The following PXDN variants were observed in gnomAD, a reference collection of about 807,000 sequenced individuals.
The protein encoded by PXDN is peroxidasin, also known as peroxidasin homolog.
Under a neutral mutation model 140.3 loss-of-function variants are expected in PXDN, and 77 were observed. That is an observed-to-expected ratio of 0.55 (90% CI 0.46 to 0.66). The LOEUF is 0.66. Ranked by LOEUF, PXDN falls within the 30% of genes least tolerant of loss-of-function variation. PXDN has a pLI of 0.00. For missense variants in PXDN, 1,838 were observed against 2,039.5 expected, an observed-to-expected ratio of 0.90 and a Z score of 1.90; for synonymous variants, 911 against 857.4, an observed-to-expected ratio of 1.06 and a Z score of -1.09.
intron 1 of PXDN, among the ~76,000 whole-genome samples, chr2:1,722,233 C>G (rs193198197): frequency 1.3e-5 from 2 of 152,158 alleles, no homozygotes; most frequent in African/African-American, 4.8e-5. Flanking sequence ...AAGCTCTCCA[C>G]GTGGACGTCT....
Position 1,648,460 on chromosome 2 carries a change from C to G in PXDN, c.3320G>C (p.Arg1107Pro), listed in dbSNP as rs571027818. ...PLHKAFFSPF[R>P]IVNEGGIDPL... Reference sequence around the variant, plus strand: ...ATCGATGCCGCCCTCATTCACAATCCGGAAGGGAGAGAAGAAAGCTTTGTG... The same window carrying G: ...ATCGATGCCGCCCTCATTCACAATCGGGAAGGGAGAGAAGAAAGCTTTGTG... Residue 1107 changes from arginine to proline, a missense_variant, in exon 17 of 23, where the codon CGG becomes CCG. Physicochemically the swap from Arg to Pro is moderately radical, Grantham distance 103. Around this residue, in one of 5 missense-constraint regions of PXDN, gnomAD observed 850 missense variants for 894.1 expected, o/e 0.95. Transcript: ENST00000252804. This position sits in a 1 kb window ranked among gnomAD's most constrained non-coding sequence, Gnocchi z 8.9. 1.2e-6 allele frequency: 2 copies of G among 1,610,652 alleles called. No homozygotes were observed. The highest frequency in any genetic ancestry group is 4.5e-5 in the East Asian group (2 of 44,868).
Position 1,649,528 on chromosome 2 carries a change from A to T in PXDN, c.2252T>A (p.Leu751Gln), listed in dbSNP as rs1682961710. 1 of 1,613,884 alleles carries T rather than the reference A, an allele frequency of 6.2e-7. No homozygotes were observed. The highest frequency in any genetic ancestry group is 2.2e-5 in the East Asian group (1 of 44,878). ...YRTHDGTCNN[L>Q]QHPMWGASLT... ...CGAGGCGCCCCACATGGGGTGCTGC[A>T]GGTTGTTACAGGTGCCGTCGTGCGT... Residue 751 changes from leucine to glutamine, a missense_variant, in exon 17 of 23, where the codon CTG becomes CAG. Leu to Gln is a moderately radical substitution (Grantham distance 113, BLOSUM62 -2). Coordinates refer to ENST00000252804, the MANE Select transcript of PXDN (RefSeq NM_012293.3). The surrounding 1 kb of genome is among the most constrained non-coding windows in gnomAD (Gnocchi z 7.1).
chr2:1,634,913 C>T (rs1054302635), intron 22 of PXDN, among the ~76,000 whole-genome samples: 15 of 152,320 alleles, frequency 9.8e-5, no homozygotes, highest in African/African-American at 3.4e-4. Context: ...TGTCCATTGC[C>T]GGCACCAGGG....
chr2:1,653,202 A>T (rs1553358758), intron 16 of PXDN: 3 of 314,162 alleles, frequency 9.5e-6, no homozygotes, highest in Non-Finnish European at 1.9e-5. Context: ...GGTTTCACAG[A>T]CCCGGGACTC....
rs201171596 is a variant in PXDN at position 1,711,583 on chromosome 2, A to ACTCTCCACCAGCACCCGCT, written c.201-18450_201-18449insAGCGGGTGCTGGTGGAGAG. 1.3e-3 allele frequency among the ~76,000 whole-genome samples: 86 copies of ACTCTCCACCAGCACCCGCT among 66,712 alleles called. 2 individuals carry two copies. The Admixed American group carries it at 0.015, about 12-fold the overall frequency. The allele number at this position is 66,712 out of a possible 152,430, so 43.8% of individuals were successfully genotyped here. A position where few individuals can be genotyped will look rare whatever the true frequency, so the allele number is the denominator to read the frequency against. ...CAGCATCCACTCTCCACCAGCACCC[A>ACTCTCCACCAGCACCCGCT]CTCCACCAGCACCCACTCTCCACCA... is the stretch of plus-strand genomic sequence containing the variant. On this transcript the variant is annotated intron_variant, in intron 1 of 22. Transcript: ENST00000252804.
chr2:1,649,065 C>T lies in PXDN; in HGVS notation c.2715G>A (p.Gln905=), dbSNP rs764296713. The T allele has an allele frequency of 6.2e-7, 1 of 1,612,622 alleles. No homozygotes were observed. The highest frequency in any genetic ancestry group is 1.1e-5 in the South Asian group (1 of 91,078). ...NSVYPREQIN[Q]LTSYIDASNV... is the part of the protein sequence containing the mutation. ...TGGATGCGTCTATGTAGGAGGTGAG[C>T]TGGTTGATCTGCTCCCGCGGGTACA... The change falls in exon 17 of 23, where the codon CAG becomes CAA. Residue 905 remains glutamine, a synonymous_variant. Transcript: ENST00000252804. The surrounding 1 kb of genome is among the most constrained non-coding windows in gnomAD (Gnocchi z 7.1).
Position 1,640,391 on chromosome 2 carries a change from A to T in PXDN, c.3953-969T>A, listed in dbSNP as rs532669113. Among the ~76,000 whole-genome samples, 100 of 152,346 alleles carry T rather than the reference A, an allele frequency of 6.6e-4. 2 individuals are homozygous for T. In the South Asian group the frequency reaches 0.012, roughly 18 times the overall value. ...CTATGAGAAGAGAAGAGGCACGTGC[A>T]GCATACACCTCAGACCCCATGCTAG... is the stretch of plus-strand genomic sequence containing the variant. On this transcript the variant is annotated intron_variant, in intron 19 of 22. Transcript: ENST00000252804.
rs1471794518 is a variant in PXDN at position 1,744,313 on chromosome 2, C to T, written c.143G>A (p.Arg48His). The change falls in exon 1 of 23, where the codon CGC becomes CAC. Residue 48 changes from arginine to histidine, a missense_variant. Arg to His is a conservative substitution (Grantham distance 29). Coordinates refer to ENST00000252804, the MANE Select transcript of PXDN (RefSeq NM_012293.3). ...GGCCTCCAGCAGCAGATGCATGCAG[C>T]GCACGGTGGTGCGGAAGCACAGGCA... ...SRCLCFRTTVRCMHLLLEAVP... is the reference protein window; with the variant it reads ...SRCLCFRTTVHCMHLLLEAVP... The T allele has an allele frequency of 6.5e-7, 1 of 1,528,448 alleles. No homozygotes were observed. The highest frequency in any genetic ancestry group is 8.7e-7 in the Non-Finnish European group (1 of 1,143,950). The allele number at this position is 1,528,448 out of a possible 1,614,324, so 94.7% of individuals were successfully genotyped here.
intron 14 of PXDN, among the ~76,000 whole-genome samples, chr2:1,655,317 G>GCCACACACAGATACATA (rs929929951): frequency 2.7e-5 from 4 of 146,606 alleles, no homozygotes; most frequent in African/African-American, 1.0e-4. Context: ...TCACACACAC[G>GCCACACACAGATACATA]CCACACACAG....
At chr2:1,677,613 T>A (rs1423334428) in intron 7 of PXDN, among the ~76,000 whole-genome samples, 1 of 152,010 alleles carries the variant, frequency 6.6e-6, no homozygotes, top group South Asian at 2.1e-4. Flanking sequence ...CCGAGGGCCA[T>A]CCGAGGGCCA....
intron 1 of PXDN, among the ~76,000 whole-genome samples, chr2:1,707,961 G>A (rs1376797817): frequency 6.6e-6 from 1 of 152,226 alleles, no homozygotes; most frequent in African/African-American, 2.4e-5. Flanking sequence ...GCGAGAGAAC[G>A]GAAACCAAAC....
intron 1 of PXDN, among the ~76,000 whole-genome samples, chr2:1,730,872 A>C (rs575012306): frequency 2.0e-5 from 3 of 152,166 alleles, no homozygotes; most frequent in East Asian, 3.9e-4. Flanking sequence ...TTAGCGCAAT[A>C]ATCACACTGG....
intron 1 of PXDN, among the ~76,000 whole-genome samples, chr2:1,699,990 A>G (rs1011746442): frequency 2.6e-5 from 4 of 152,178 alleles, no homozygotes; most frequent in Admixed American, 6.5e-5. Flanking sequence ...CAAGCTATGC[A>G]TTGCAGAGGT....
At position 1,648,999 on chromosome 2, in the gene PXDN, G is replaced by A. The variant is rs1293879300; in HGVS notation, c.2781C>T (p.Arg927=). ...GSTEHEARSI[R]DLASHRGLLR... ...GCAGGCCGCGGTGGCTGGCCAGGTC[G>A]CGGATGCTGCGGGCCTCATGCTCCG... is the stretch of plus-strand genomic sequence containing the variant. The change falls in exon 17 of 23, where the codon CGC becomes CGT. Residue 927 remains arginine (R), a synonymous_variant. Coordinates refer to ENST00000252804, the MANE Select transcript of PXDN (RefSeq NM_012293.3). The surrounding 1 kb of genome is among the most constrained non-coding windows in gnomAD (Gnocchi z 8.9). 3.7e-6 allele frequency: 6 copies of A among 1,611,980 alleles called. No individual in the cohort carries two copies. The African/African-American group carries it at 5.3e-5, about 14-fold the overall frequency.
intron 14 of PXDN, among the ~76,000 whole-genome samples, chr2:1,657,786 CCCCCTGTTGTCTGGAACCTGT>C (rs1443029935): frequency 6.9e-6 from 1 of 145,330 alleles, no homozygotes; most frequent in Non-Finnish European, 1.5e-5. Context: ...CAGGAACCTG[CCCCCTGTTGTCTGGAACCTGT>C]CCCCACCTGA....
At chr2:1,718,484 ACTAAC>A (rs1684943939) in intron 1 of PXDN, among the ~76,000 whole-genome samples, 1 of 152,148 alleles carries the variant, frequency 6.6e-6, no homozygotes, top group African/African-American at 2.4e-5. Context: ...AACCTACTCC[ACTAAC>A]CTACCACTCA....
At chr2:1,712,781 G>A (rs1431285208) in intron 1 of PXDN, among the ~76,000 whole-genome samples, 1 of 152,176 alleles carries the variant, frequency 6.6e-6, no homozygotes, top group African/African-American at 2.4e-5. Context: ...CTGGAGTGCA[G>A]TGGTGCAATC....
At position 1,720,649 on chromosome 2, in the gene PXDN, T is replaced by TTCTCTCTCTCTGCATC; in HGVS notation, c.200+23591_200+23606dup. 2.7e-5 allele frequency among the ~76,000 whole-genome samples: 4 copies of TTCTCTCTCTCTGCATC among 150,128 alleles called. 1 individual carries two copies. The South Asian group carries it at 8.4e-4, about 32-fold the overall frequency. ...TCTCTTTCTCTCTCTCTGCATCTCT[T>TTCTCTCTCTCTGCATC]TCTCTCTCTCTGCATCTCTTTCTCT... On this transcript the variant is annotated intron_variant, in intron 1 of 22. Coordinates refer to ENST00000252804, the MANE Select transcript of PXDN (RefSeq NM_012293.3).
intron 11 of PXDN, 198 bp from the exon 12 acceptor site, chr2:1,663,961 C>A: frequency 1.6e-6 from 1 of 607,430 alleles, no homozygotes; most frequent in South Asian, 2.1e-5. Context: ...ACCCGTAACT[C>A]AGACAGAGGG....
Sources: allele counts gnomAD v4.1 joint callset (sites outside exome capture counted in the v4.1 genomes callset), GRCh38; gene constraint gnomAD v4.1.1; regional missense constraint gnomAD v4.1.1; non-coding constraint Gnocchi (gnomAD v3.1); transcripts MANE v1.5; gene names NCBI Gene and HGNC (gene_info 2026-07-23, HGNC 2026-07-21).